PLCG2: variants seen among roughly 807,000 people sequenced by gnomAD.
PLCG2 encodes phospholipase C gamma 2.
A neutral mutation model predicts 175.6 loss-of-function variants in PLCG2; 69 were observed. The observed-to-expected ratio is 0.39, with a 90% CI of 0.32 to 0.48. The LOEUF is 0.48. Among genes scored for constraint, PLCG2 ranks in the 20% least tolerant of loss-of-function variants. PLCG2 has a pLI of 0.91. For synonymous variants in PLCG2, 827 were observed against 624.0 expected (o/e 1.33, Z -4.85); for missense variants, 1,798 against 1,650.9 (o/e 1.09, Z -1.54).
At chr16:81,830,348 C>T (rs1209142810) in intron 2 of PLCG2, among the ~76,000 whole-genome samples, 1 of 152,076 alleles carries the variant, frequency 6.6e-6, no homozygotes. Context: ...CTCTGTGGCC[C>T]AGGCTGGAGG....
At chr16:81,881,188 T>G (rs1908062569) in intron 8 of PLCG2, among the ~76,000 whole-genome samples, 1 of 151,956 alleles carries the variant, frequency 6.6e-6, no homozygotes, top group Admixed American at 6.6e-5. Flanking sequence ...TAGAAAAGCC[T>G]GTGTGCCTCA....
intron 26 of PLCG2, chr16:81,935,546 C>G (rs2143724429): frequency 6.1e-6 from 6 of 985,358 alleles, no homozygotes; most frequent in Non-Finnish European, 7.2e-6. Context: ...GAACAGAAGA[C>G]CAGCCAGACA....
chr16:81,851,305 G>C (rs552597943), intron 2 of PLCG2, among the ~76,000 whole-genome samples: 1 of 152,156 alleles, frequency 6.6e-6, no homozygotes, highest in African/African-American at 2.4e-5. Flanking sequence ...GGACATGGTC[G>C]CTGGTGCAGT....
chr16:81,826,353 C>G (rs1905048991), intron 2 of PLCG2, among the ~76,000 whole-genome samples: 1 of 152,140 alleles, frequency 6.6e-6, no homozygotes, highest in Non-Finnish European at 1.5e-5. Flanking sequence ...GTGTCCTCAC[C>G]TAGGTGCAGT....
chr16:81,907,697 C>T lies in PLCG2; in HGVS notation c.1480C>T (p.His494Tyr). Residue 494 changes from histidine to tyrosine, a missense_variant, in exon 16 of 33, where the codon CAC (histidine) becomes TAC (tyrosine). Transcript: ENST00000564138. ...TTTCACTTTCTAGAAATGGACTCGG[C>T]ACTACTGCGCCATTGCCGATGCCAA... Reference protein sequence around the residue: ...WDSIDQKWTRHYCAIADAKLS... With the variant: ...WDSIDQKWTRYYCAIADAKLS... 1 of 1,613,262 alleles carries T rather than the reference C, an allele frequency of 6.2e-7. No homozygotes were observed. The highest frequency in any genetic ancestry group is 8.5e-7 in the Non-Finnish European group (1 of 1,179,206).
intron 2 of PLCG2, among the ~76,000 whole-genome samples, chr16:81,823,683 G>A (rs890184354): frequency 7.4e-6 from 1 of 135,836 alleles, no homozygotes; most frequent in Non-Finnish European, 1.5e-5. Flanking sequence ...GCACCACCAT[G>A]CCCAGCTAAT....
intron 31 of PLCG2, among the ~76,000 whole-genome samples, chr16:81,953,690 C>G (rs1458736849): frequency 6.6e-6 from 1 of 152,152 alleles, no homozygotes; most frequent in East Asian, 1.9e-4. Flanking sequence ...GGTGGTTCCT[C>G]AAGTCAAGAG....
intron 1 of PLCG2, among the ~76,000 whole-genome samples, chr16:81,750,971 CTTTTTTTTTTT>C (rs34518159): frequency 3.1e-4 from 13 of 41,732 alleles, no homozygotes; most frequent in African/African-American, 5.3e-4. Context: ...CCGCACCCAG[CTTTTTTTTTTT>C]TTTTTTTTTT....
At chr16:81,781,407 T>G in intron 1 of PLCG2, among the ~76,000 whole-genome samples, 1 of 53,908 alleles carries the variant, frequency 1.9e-5, no homozygotes, top group East Asian at 7.4e-4. Context: ...TGAGCAGTTG[T>G]TTTCTGTTTT....
At position 81,891,518 on chromosome 16, in the gene PLCG2, A is replaced by C; in HGVS notation, c.914A>C (p.Lys305Thr). The C allele has an allele frequency of 1.2e-6, 2 of 1,612,432 alleles. No homozygotes were observed. The highest frequency in any genetic ancestry group is 1.7e-6 in the Non-Finnish European group (2 of 1,178,412). ...CGAGAAAACAGCATCTGGGATGAGAAGTATGACGCGGTGGACATGCAGGAC... is the reference window on the plus strand; with the variant it reads ...CGAGAAAACAGCATCTGGGATGAGACGTATGACGCGGTGGACATGCAGGAC... Reference protein sequence around the residue: ...FSRENSIWDEKYDAVDMQDMN... With the variant: ...FSRENSIWDETYDAVDMQDMN... Residue 305 changes from lysine to threonine, a missense_variant, in exon 11 of 33, where the codon AAG becomes ACG. Transcript: ENST00000564138.
chr16:81,956,452 A>G (rs1034084744), intron 31 of PLCG2, among the ~76,000 whole-genome samples: 9 of 152,214 alleles, frequency 5.9e-5, no homozygotes, highest in African/African-American at 1.9e-4. Flanking sequence ...CATTATTTCA[A>G]TGTTTTGCAA....
intron 3 of PLCG2, 92 bp downstream of exon 3, chr16:81,854,679 C>T (rs1186586743): frequency 6.9e-5 from 78 of 1,134,286 alleles, no homozygotes; most frequent in Non-Finnish European, 6.6e-6. Flanking sequence ...CCCCTGCCTG[C>T]TCACTGATGT....
At chr16:81,789,297 C>G (rs1413959289) in intron 2 of PLCG2, among the ~76,000 whole-genome samples, 1 of 152,198 alleles carries the variant, frequency 6.6e-6, no homozygotes, top group Non-Finnish European at 1.5e-5. Flanking sequence ...CGCTCTCTCG[C>G]TCTCTGTTTT....
At chr16:81,833,020 T>C (rs1367056513) in intron 2 of PLCG2, among the ~76,000 whole-genome samples, 1 of 152,174 alleles carries the variant, frequency 6.6e-6, no homozygotes, top group Non-Finnish European at 1.5e-5. Flanking sequence ...GATGAGGACC[T>C]GGAAAGGGAA....
In PLCG2 at chr16:81,891,503, G is replaced by T. The variant is rs764885126; in HGVS notation, c.899G>T (p.Ser300Ile). ...FLTYLFSREN[S>I]IWDEKYDAVD... ...ACGTACCTGTTTTCACGAGAAAACAGCATCTGGGATGAGAAGTATGACGCG... is the reference window on the plus strand; with the variant it reads ...ACGTACCTGTTTTCACGAGAAAACATCATCTGGGATGAGAAGTATGACGCG... The change falls in exon 11 of 33, where the codon AGC (serine) becomes ATC (isoleucine). Residue 300 changes from serine (S) to isoleucine (I), a missense_variant. Ser to Ile is a moderately radical substitution (Grantham distance 142). Transcript: ENST00000564138. 1 of 1,609,582 alleles carries T rather than the reference G, an allele frequency of 6.2e-7. No individual in the cohort carries two copies. The highest frequency in any genetic ancestry group is 1.3e-5 in the African/African-American group (1 of 74,958).
At chr16:81,781,167 T>G (rs1161709320) in intron 1 of PLCG2, among the ~76,000 whole-genome samples, 1 of 152,204 alleles carries the variant, frequency 6.6e-6, no homozygotes, top group African/African-American at 2.4e-5. Flanking sequence ...TCTCCCAGCC[T>G]CCGATAAATA....
chr16:81,828,270 G>C (rs1272888655), intron 2 of PLCG2, among the ~76,000 whole-genome samples: 9 of 90,512 alleles, frequency 9.9e-5, no homozygotes, highest in African/African-American at 4.3e-5. Context: ...TTTTGAGACA[G>C]AATCTTGCTC....
chr16:81,791,591 C>T (rs935860222), intron 2 of PLCG2, among the ~76,000 whole-genome samples: 3 of 152,082 alleles, frequency 2.0e-5, no homozygotes, highest in South Asian at 2.1e-4. Context: ...GTTTTTCAGA[C>T]GGAATCTCTG....
At chr16:81,875,194 C>A (rs891605830) in intron 7 of PLCG2, among the ~76,000 whole-genome samples, 1 of 151,938 alleles carries the variant, frequency 6.6e-6, no homozygotes, top group African/African-American at 2.4e-5. Flanking sequence ...GAACTCCTGA[C>A]CTCAGGTGAT....
Sources: gnomAD v4.1 joint callset for allele counts (sites outside exome capture counted in the v4.1 genomes callset) on GRCh38, gnomAD v4.1.1 for gene constraint, MANE v1.5 for transcripts, NCBI Gene and HGNC (gene_info 2026-07-23, HGNC 2026-07-21) for gene names.